The following TPRG1 variants were observed in gnomAD, a reference collection of about 807,000 sequenced individuals.
The protein encoded by TPRG1 is tumor protein p63-regulated gene 1 protein.
In TPRG1, 29 loss-of-function variants were observed where a neutral mutation model predicts 29.3. The observed-to-expected ratio is 0.99, with a 90% confidence interval of 0.74 to 1.35. The LOEUF is 1.35. Among genes scored for constraint, TPRG1 ranks in the 40% most tolerant of loss-of-function variants. The probability of loss-of-function intolerance (pLI) is 0.00; values close to 1 mark genes in which losing one functional copy is unlikely to be tolerated. For synonymous variants in TPRG1, 130 were observed against 116.8 expected (o/e 1.11, Z -0.73); for missense variants, 327 against 335.0 (o/e 0.98, Z 0.19).
At chr3:189,151,614 C>T (rs1397314333) in intron 5 of TPRG1, among the ~76,000 whole-genome samples, 1 of 152,168 alleles carries the variant, frequency 6.6e-6, no homozygotes, top group Admixed American at 6.5e-5. Flanking sequence ...GGCGTGGTGG[C>T]TCATGCCTGT....
intron 1 of TPRG1, among the ~76,000 whole-genome samples, chr3:189,178,340 C>A (rs771373528): frequency 4.6e-5 from 7 of 152,090 alleles, no homozygotes; most frequent in Non-Finnish European, 1.0e-4. Context: ...AACAGACTGG[C>A]CAACATGGCA....
chr3:189,064,227 C>T (rs1247591505), intron 4 of TPRG1, among the ~76,000 whole-genome samples: 2 of 152,124 alleles, frequency 1.3e-5, no homozygotes, highest in Admixed American at 6.6e-5. Flanking sequence ...GTTCATAAAT[C>T]ACATTCCTCA....
At chr3:189,186,146 A>G (rs138706343) in intron 1 of TPRG1, among the ~76,000 whole-genome samples, 4 of 152,226 alleles carry the variant, frequency 2.6e-5, no homozygotes, top group African/African-American at 7.2e-5. Context: ...TCTTTGTTCT[A>G]TGTGAGATAA....
intron 3 of TPRG1, among the ~76,000 whole-genome samples, chr3:189,138,644 C>G (rs1225208700): frequency 6.6e-6 from 1 of 152,182 alleles, no homozygotes; most frequent in Non-Finnish European, 1.5e-5. Context: ...TACATCACTC[C>G]TGTCCATATG....
At chr3:189,068,709 G>A (rs1716619736) in intron 4 of TPRG1, among the ~76,000 whole-genome samples, 1 of 152,190 alleles carries the variant, frequency 6.6e-6, no homozygotes, top group African/African-American at 2.4e-5. Flanking sequence ...CTGGGAGGCG[G>A]AGGTTGCGGT....
At chr3:189,264,999 C>T (rs1012890451) in intron 4 of TPRG1, among the ~76,000 whole-genome samples, 1 of 152,172 alleles carries the variant, frequency 6.6e-6, no homozygotes, top group African/African-American at 2.4e-5. Context: ...AACAGCAAAA[C>T]ATGGCCAGCA....
At chr3:189,315,460 T>C in intron 5 of TPRG1, 1 of 450,666 alleles carries the variant, frequency 2.2e-6, no homozygotes, top group Non-Finnish European at 4.4e-6. Context: ...TTACCTTTTC[T>C]TTTTTAACCA....
intron 4 of TPRG1, among the ~76,000 whole-genome samples, chr3:189,061,292 C>T (rs773580648): frequency 1.1e-4 from 17 of 152,152 alleles, no homozygotes; most frequent in Admixed American, 7.9e-4. Context: ...AAAATTAACT[C>T]AAGATGGCTT....
intron 4 of TPRG1, among the ~76,000 whole-genome samples, chr3:189,032,839 C>T (rs914955366): frequency 2.8e-4 from 41 of 145,052 alleles, no homozygotes; most frequent in Non-Finnish European, 5.5e-4. Flanking sequence ...TGAGTGAGAA[C>T]ATGCGGTGTT....
intron 4 of TPRG1, among the ~76,000 whole-genome samples, chr3:189,244,779 A>C (rs1741137321): frequency 6.6e-6 from 1 of 152,136 alleles, no homozygotes; most frequent in Non-Finnish European, 1.5e-5. Context: ...TCCAAACCAT[A>C]TCAGTGATCT....
At chr3:189,287,738 G>A (rs1718316939) in intron 4 of TPRG1, among the ~76,000 whole-genome samples, 1 of 152,054 alleles carries the variant, frequency 6.6e-6, no homozygotes, top group Non-Finnish European at 1.5e-5. Context: ...TTGCCTAGAG[G>A]AATCACTGGA....
chr3:189,183,745 C>T (rs1730549127), intron 1 of TPRG1, among the ~76,000 whole-genome samples: 1 of 152,002 alleles, frequency 6.6e-6, no homozygotes, highest in Non-Finnish European at 1.5e-5. Context: ...GGTTATCTCT[C>T]TTGTTTCCCA....
At chr3:189,097,567 A>T (rs1298865352), upstream of TPRG1, among the ~76,000 whole-genome samples, 1 of 152,246 alleles carries the variant, frequency 6.6e-6, no homozygotes, top group African/African-American at 2.4e-5. Flanking sequence ...AAAGATGTGT[A>T]CTCATCGTTA....
intron 5 of TPRG1, among the ~76,000 whole-genome samples, chr3:189,315,086 C>T (rs1278420505): frequency 1.3e-5 from 2 of 152,062 alleles, no homozygotes; most frequent in Non-Finnish European, 2.9e-5. Flanking sequence ...TTCGAGTCTG[C>T]AGTGCAAGTC....
chr3:189,285,676 G>A (rs1057119358), intron 4 of TPRG1, among the ~76,000 whole-genome samples: 3 of 152,118 alleles, frequency 2.0e-5, no homozygotes, highest in African/African-American at 7.2e-5. Context: ...TTCTTTCTCA[G>A]AGTAATTCTT....
At chr3:189,068,800 A>G (rs553262668) in intron 4 of TPRG1, among the ~76,000 whole-genome samples, 19 of 151,410 alleles carry the variant, frequency 1.3e-4, no homozygotes, top group East Asian at 3.9e-4. Context: ...GGAAGGAAGG[A>G]AGGGAGGGAG....
intron 3 of TPRG1, among the ~76,000 whole-genome samples, chr3:189,015,869 A>G (rs989341102): frequency 3.3e-5 from 5 of 152,188 alleles, no homozygotes; most frequent in African/African-American, 9.7e-5. Context: ...TCTAGGCAGA[A>G]GTTTACTGTA....
In TPRG1 at chr3:189,056,239, G is replaced by A. The variant is rs541450449; in HGVS notation, c.-463+32293G>A. Reference sequence around the variant, plus strand: ...GTCTCCCAATTAGCTGGGATTACAGGCACATGCCATCATGCCCAGCTAATT... The same window carrying A: ...GTCTCCCAATTAGCTGGGATTACAGACACATGCCATCATGCCCAGCTAATT... On this transcript the variant is annotated intron_variant, in intron 4 of 10. Coordinates refer to the TPRG1 transcript ENST00000433971. Among the ~76,000 whole-genome samples the A allele has an allele frequency of 1.2e-4, 18 of 152,208 alleles. No homozygotes were observed. In the South Asian group the frequency reaches 3.7e-3, roughly 32 times the overall value.
At chr3:189,267,760 A>G (rs949728473) in intron 4 of TPRG1, 1 of 152,218 alleles carries the variant, frequency 6.6e-6, no homozygotes, top group Non-Finnish European at 1.5e-5. Context: ...TGATTGACCA[A>G]CTGACATCAT....
Sources: allele counts gnomAD v4.1 joint callset (sites outside exome capture counted in the v4.1 genomes callset), GRCh38; gene constraint gnomAD v4.1.1; transcripts MANE v1.5; gene names NCBI Gene and HGNC (gene_info 2026-07-23, HGNC 2026-07-21).